ZC2HC1B: variants seen among roughly 807,000 people sequenced by gnomAD.
The protein encoded by ZC2HC1B is zinc finger C2HC domain-containing protein 1B.
Under a neutral mutation model 31.0 loss-of-function variants are expected in ZC2HC1B, and 36 were observed. That is an observed-to-expected ratio of 1.16 (90% CI 0.89 to 1.54). ZC2HC1B has a LOEUF of 1.54. Ranked by LOEUF, ZC2HC1B falls within the 40% of genes most tolerant of loss-of-function variation. The pLI is 0.00. For missense variants in ZC2HC1B, 260 were observed against 268.6 expected, an observed-to-expected ratio of 0.97 and a Z score of 0.22; for synonymous variants, 73 against 88.0, an observed-to-expected ratio of 0.83 and a Z score of 0.95.
intron 6 of ZC2HC1B, among the ~76,000 whole-genome samples, chr6:143,930,409 C>T (rs1243401203): frequency 7.9e-5 from 10 of 126,938 alleles, no homozygotes; most frequent in African/African-American, 1.2e-4. Flanking sequence ...TTTCCTGAGA[C>T]GGAGTCTTGC....
At chr6:143,864,743 C>T (rs1011728852) in intron 1 of ZC2HC1B, among the ~76,000 whole-genome samples, 176 bp downstream of exon 1, 1 of 152,010 alleles carries the variant, frequency 6.6e-6, no homozygotes, top group African/African-American at 2.4e-5. Flanking sequence ...GGTATTCTAC[C>T]AACATTGGCT....
chr6:143,866,047 C>T (rs1777256897), intron 1 of ZC2HC1B, among the ~76,000 whole-genome samples: 1 of 152,314 alleles, frequency 6.6e-6, no homozygotes, highest in South Asian at 2.1e-4. Context: ...AAACTCTTGA[C>T]CTTATGATCC....
Position 143,930,237 on chromosome 6 carries a change from T to C in ZC2HC1B, c.599-7412T>C, listed in dbSNP as rs147104186. Among the ~76,000 whole-genome samples, 418 of 152,214 alleles carry C rather than the reference T, an allele frequency of 2.7e-3. 2 individuals are homozygous for C. The highest frequency in any genetic ancestry group is 4.6e-3 in the Non-Finnish European group (314 of 67,992). On this transcript the variant is annotated intron_variant, in intron 6 of 7. Coordinates refer to ENST00000237275, the MANE Select transcript of ZC2HC1B (RefSeq NM_001013623.3). ...AGGTGTTTAATGCTAATACTGCTTT[T>C]GCTGTTTGTCAAAGGTTTTGATATG...
intron 4 of ZC2HC1B, among the ~76,000 whole-genome samples, chr6:143,891,563 G>A (rs910651239): frequency 6.6e-6 from 1 of 151,966 alleles, no homozygotes; most frequent in Non-Finnish European, 1.5e-5. Flanking sequence ...TTAGCTGGAT[G>A]TGGTGGTGGG....
chr6:143,882,873 C>T (rs937400948), intron 1 of ZC2HC1B, among the ~76,000 whole-genome samples: 2 of 152,164 alleles, frequency 1.3e-5, no homozygotes, highest in African/African-American at 4.8e-5. Flanking sequence ...ATCCCACACT[C>T]CCAGCATCTT....
chr6:143,876,634 T>C (rs1777411228), intron 1 of ZC2HC1B, among the ~76,000 whole-genome samples: 1 of 150,118 alleles, frequency 6.7e-6, no homozygotes, highest in Non-Finnish European at 1.5e-5. Context: ...ATAAGGGGAA[T>C]ATATATATAA....
At chr6:143,906,102 G>T (rs920762894) in intron 6 of ZC2HC1B, among the ~76,000 whole-genome samples, 1 of 152,190 alleles carries the variant, frequency 6.6e-6, no homozygotes, top group East Asian at 1.9e-4. Flanking sequence ...TCTGAGAAGG[G>T]TTGGTGTTAG....
At chr6:143,916,249 A>G (rs1179461012) in intron 6 of ZC2HC1B, among the ~76,000 whole-genome samples, 1 of 152,194 alleles carries the variant, frequency 6.6e-6, no homozygotes, top group African/African-American at 2.4e-5. Flanking sequence ...CGTGGTGTTG[A>G]GCCTGTGGGT....
chr6:143,888,483 T>A (rs1210418174), intron 4 of ZC2HC1B, among the ~76,000 whole-genome samples: 1 of 152,082 alleles, frequency 6.6e-6, no homozygotes, highest in Non-Finnish European at 1.5e-5. Flanking sequence ...ATGTTTTGGG[T>A]ACTATTGTCA....
At chr6:143,892,462 A>AT (rs1244052782) in intron 4 of ZC2HC1B, among the ~76,000 whole-genome samples, 9 of 151,838 alleles carry the variant, frequency 5.9e-5, no homozygotes, top group Non-Finnish European at 1.0e-4. Flanking sequence ...TGCCTGGCTA[A>AT]TTTTTTTGTA....
rs529606265 is a variant in ZC2HC1B at position 143,883,613 on chromosome 6, A to T, written c.29-691A>T. ...ATCTTTACATATTTGACTCCTGATG[A>T]ACCAAAAGGAAGTAATACAAAAAAC... is the stretch of plus-strand genomic sequence containing the variant. On this transcript the variant is annotated intron_variant, in intron 1 of 7. Transcript: ENST00000237275. This position sits in a 1 kb window ranked among gnomAD's most constrained non-coding sequence, Gnocchi z 4.1. Among the ~76,000 whole-genome samples, 1 of 152,346 alleles carries T rather than the reference A, an allele frequency of 6.6e-6. No individual in the cohort carries two copies. Among genetic ancestry groups the T allele is most frequent in the African/African-American group, 2.4e-5 (1 of 41,580 alleles).
rs1777760627 is a variant in ZC2HC1B at position 143,903,586 on chromosome 6, C to A, written c.598+434C>A. Among the ~76,000 whole-genome samples the A allele has an allele frequency of 6.6e-6, 1 of 152,186 alleles. No individual in the cohort carries two copies. Among genetic ancestry groups the A allele is most frequent in the African/African-American group, 2.4e-5 (1 of 41,436 alleles). On this transcript the variant is annotated intron_variant, in intron 6 of 7. Transcript: ENST00000237275. This position sits in a 1 kb window ranked among gnomAD's most constrained non-coding sequence, Gnocchi z 4.3. ...TATTATAAGTCAAAAATGCATTTAA[C>A]ATCCCAATTAACCCATGTAAAGTTG...
intron 1 of ZC2HC1B, among the ~76,000 whole-genome samples, chr6:143,880,257 G>A (rs1048687962): frequency 1.2e-4 from 19 of 152,134 alleles, no homozygotes; most frequent in African/African-American, 4.6e-4. Flanking sequence ...AGTTTACCAA[G>A]TATGATTCCA....
In ZC2HC1B at chr6:143,899,389, T is replaced by G. The variant is rs1256254478; in HGVS notation, c.489+698T>G. Among the ~76,000 whole-genome samples, 3 of 152,014 alleles carry G rather than the reference T, an allele frequency of 2.0e-5. No individual in the cohort carries two copies. ...TAAGTGTATACAGACTGTTTATTTA[T>G]TTTTGAGACAGGGGCTCACTCTGTT... On this transcript the variant is annotated intron_variant, in intron 5 of 7. Transcript: ENST00000237275. The surrounding 1 kb of genome is among the most constrained non-coding windows in gnomAD (Gnocchi z 5.0).
chr6:143,886,773 A>G lies in ZC2HC1B; in HGVS notation c.301A>G (p.Lys101Glu), dbSNP rs867067208. The G allele has an allele frequency of 2.4e-5, 37 of 1,549,414 alleles. No individual in the cohort carries two copies. In the African/African-American group the frequency reaches 5.1e-4, roughly 21 times the overall value. The change falls in exon 4 of 8, where the codon AAA (lysine) becomes GAA (glutamate). Residue 101 changes from lysine to glutamate, a missense_variant. Coordinates refer to ENST00000237275, the MANE Select transcript of ZC2HC1B (RefSeq NM_001013623.3). This position sits in a 1 kb window ranked among gnomAD's most constrained non-coding sequence, Gnocchi z 4.2. ...AGCAAAGCAGTGTATGCTAGCCATT[A>G]AAGAAGGCCGACCCCTCCCACCTCC... ...RSAKQCMLAI[K>E]EGRPLPPPPP...
intron 5 of ZC2HC1B, among the ~76,000 whole-genome samples, chr6:143,902,115 T>C (rs1777744872): frequency 6.6e-6 from 1 of 152,198 alleles, no homozygotes; most frequent in South Asian, 2.1e-4. Flanking sequence ...GAAAAATTGC[T>C]TGCTTTGTGA....
chr6:143,882,640 A>G (rs73588612), intron 1 of ZC2HC1B, among the ~76,000 whole-genome samples: 7,381 of 151,734 alleles, frequency 0.049, 465 homozygotes, highest in African/African-American at 0.14. Flanking sequence ...GGCCTTAAAT[A>G]TAAGTTTCCC....
rs543112037 is a variant in ZC2HC1B at position 143,908,570 on chromosome 6, C to T, written c.598+5418C>T. Among the ~76,000 whole-genome samples, 5 of 152,252 alleles carry T rather than the reference C, an allele frequency of 3.3e-5. No individual in the cohort carries two copies. Among genetic ancestry groups the T allele is most frequent in the African/African-American group, 1.2e-4 (5 of 41,550 alleles). Reference sequence around the variant, plus strand: ...ATGGAGGTTCACTCATGATTTGGCTCTCAGCTTGCCTGTTGTTTGTGTATA... The same window carrying T: ...ATGGAGGTTCACTCATGATTTGGCTTTCAGCTTGCCTGTTGTTTGTGTATA... On this transcript the variant is annotated intron_variant, in intron 6 of 7. Transcript: ENST00000237275. The surrounding 1 kb of genome is among the most constrained non-coding windows in gnomAD (Gnocchi z 4.4).
At position 143,865,853 on chromosome 6, in the gene ZC2HC1B, G is replaced by C. The variant is rs114270741; in HGVS notation, c.28+1286G>C. On this transcript the variant is annotated intron_variant, in intron 1 of 7. Transcript: ENST00000237275. The surrounding 1 kb of genome is among the most constrained non-coding windows in gnomAD (Gnocchi z 4.4). Reference sequence around the variant, plus strand: ...TTTTGCCAAGACAGGTCTTGCTCTGGCGCCCGAGCTGGAGCGCAGTAGTGC... The same window carrying C: ...TTTTGCCAAGACAGGTCTTGCTCTGCCGCCCGAGCTGGAGCGCAGTAGTGC... 6.6e-6 allele frequency among the ~76,000 whole-genome samples: 1 copy of C among 152,174 alleles called. No homozygotes were observed. The highest frequency in any genetic ancestry group is 1.5e-5 in the Non-Finnish European group (1 of 67,986).
Sources: gnomAD v4.1 joint callset for allele counts (sites outside exome capture counted in the v4.1 genomes callset) on GRCh38, gnomAD v4.1.1 for gene constraint, Gnocchi (gnomAD v3.1) non-coding constraint, MANE v1.5 for transcripts, NCBI Gene and HGNC (gene_info 2026-07-23, HGNC 2026-07-21) for gene names.